LRRC8C: variants seen among roughly 807,000 people sequenced by gnomAD.
LRRC8C encodes volume-regulated anion channel subunit LRRC8C.
In LRRC8C, 20 loss-of-function variants were observed where a neutral mutation model predicts 55.3. The observed-to-expected ratio is 0.36, with a 90% CI of 0.25 to 0.53. The LOEUF is 0.53. LRRC8C is among the 20% of genes least tolerant of loss of function. The pLI is 0.92. For missense variants in LRRC8C, 659 were observed against 951.4 expected, an observed-to-expected ratio of 0.69 and a Z score of 4.04; for synonymous variants, 376 against 360.7, an observed-to-expected ratio of 1.04 and a Z score of -0.48.
intron 1 of LRRC8C, among the ~76,000 whole-genome samples, chr1:89,659,941 T>G (rs1657067054): frequency 6.6e-6 from 1 of 151,812 alleles, no homozygotes; most frequent in Admixed American, 6.6e-5. Context: ...CCCAGGGGAG[T>G]GAAGAGGTGA....
At chr1:89,679,692 C>T (rs1657644793) in intron 1 of LRRC8C, among the ~76,000 whole-genome samples, 1 of 152,194 alleles carries the variant, frequency 6.6e-6, no homozygotes, top group Non-Finnish European at 1.5e-5. Flanking sequence ...GTTTTGTATT[C>T]GTTTTGATCA....
At chr1:89,625,410 G>A in the LRRC8C span, among the ~76,000 whole-genome samples, 7 of 152,126 alleles carry the variant, frequency 4.6e-5, no homozygotes, top group Non-Finnish European at 7.4e-5. Context: ...TCCAGCTTAT[G>A]TTCTTTTCAC....
At chr1:89,710,116 A>G (rs1045943014) in intron 2 of LRRC8C, among the ~76,000 whole-genome samples, 1 of 152,236 alleles carries the variant, frequency 6.6e-6, no homozygotes, top group African/African-American at 2.4e-5. Context: ...GTCTTGAAGA[A>G]TGTGCTCAAG....
intron 1 of LRRC8C, among the ~76,000 whole-genome samples, chr1:89,651,567 C>CA (rs1179039674): frequency 0.046 from 1,803 of 39,244 alleles, 68 homozygotes; most frequent in African/African-American, 0.092. Flanking sequence ...GACTCTGTCT[C>CA]AAAAAAAAAA....
intron 1 of LRRC8C, among the ~76,000 whole-genome samples, chr1:89,675,621 A>G (rs899093133): frequency 4.6e-5 from 7 of 152,208 alleles, no homozygotes; most frequent in Admixed American, 4.6e-4. Context: ...TCCCCAGTTG[A>G]ATTTGACTTA....
chr1:89,672,677 T>A (rs947439495), intron 1 of LRRC8C, among the ~76,000 whole-genome samples: 2 of 152,174 alleles, frequency 1.3e-5, no homozygotes, highest in African/African-American at 4.8e-5. Flanking sequence ...ACATCCCATG[T>A]CTTTCTCACG....
rs146393936 is a variant in LRRC8C, at chr1:89,677,606, T to A, written c.-4-8864T>A. On this transcript the variant is annotated intron_variant, in intron 1 of 2. Transcript: ENST00000370454. ...AAAAAGATTTGGTTAAAAGTTATAGTTCACCATTAGCTGTGTTCCTTGGGC... is the reference window on the plus strand; with the variant it reads ...AAAAAGATTTGGTTAAAAGTTATAGATCACCATTAGCTGTGTTCCTTGGGC... Among the ~76,000 whole-genome samples, 77 of 152,318 alleles carry A rather than the reference T, an allele frequency of 5.1e-4. 1 individual carries two copies. Among genetic ancestry groups the A allele is most frequent in the African/African-American group, 1.5e-3 (61 of 41,556 alleles).
chr1:89,686,499 A>C lies in LRRC8C; in HGVS notation c.26A>C (p.Gln9Pro). The C allele has an allele frequency of 6.2e-7, 1 of 1,614,214 alleles. No individual in the cohort carries two copies. The highest frequency in any genetic ancestry group is 8.5e-7 in the Non-Finnish European group (1 of 1,180,030). ...ATGATTCCCGTGACAGAATTCCGGC[A>C]GTTCTCTGAGCAGCAGCCTGCCTTC... Reference protein sequence around the residue: MIPVTEFRQFSEQQPAFRV... With the variant: MIPVTEFRPFSEQQPAFRV... The change falls in exon 2 of 3, where the codon CAG becomes CCG. Residue 9 changes from glutamine to proline, a missense_variant. Physicochemically the swap from Gln to Pro is moderately conservative, Grantham distance 76. Transcript: ENST00000370454.
intron 2 of LRRC8C, among the ~76,000 whole-genome samples, chr1:89,696,587 G>A (rs143829817): frequency 6.6e-6 from 1 of 152,050 alleles, no homozygotes; most frequent in African/African-American, 2.4e-5. Context: ...GCCCTCCTAG[G>A]CTACCATCAA....
rs1658569510 is a variant in LRRC8C, at chr1:89,709,135, T to TA, written c.139-3573dup. Among the ~76,000 whole-genome samples the TA allele has an allele frequency of 2.6e-5, 4 of 152,256 alleles. No individual in the cohort carries two copies. The South Asian group carries it at 8.3e-4, about 32-fold the overall frequency. On this transcript the variant is annotated intron_variant, in intron 2 of 2. Transcript: ENST00000370454. The stretch of plus-strand genomic sequence containing the variant: ...GAGATTGCCTGTGGCATAAGCCTCC[T>TA]ACGCTGGGCTGTTCTCTACAAAGCC...
At chr1:89,646,690 T>C (rs1457622748) in intron 1 of LRRC8C, among the ~76,000 whole-genome samples, 1 of 152,128 alleles carries the variant, frequency 6.6e-6, no homozygotes, top group Non-Finnish European at 1.5e-5. Context: ...CCCCTTGAGA[T>C]CAGAACTAAG....
intron 1 of LRRC8C, among the ~76,000 whole-genome samples, chr1:89,633,744 C>T (rs951418868): frequency 1.3e-5 from 2 of 152,210 alleles, no homozygotes; most frequent in Non-Finnish European, 2.9e-5. Flanking sequence ...GTCTATCACC[C>T]CCCTGCCACC....
At chr1:89,662,588 T>C (rs1223623107) in intron 1 of LRRC8C, among the ~76,000 whole-genome samples, 2 of 152,146 alleles carry the variant, frequency 1.3e-5, no homozygotes, top group Non-Finnish European at 2.9e-5. Context: ...GGGTAGCAGC[T>C]AAGATGGGTC....
chr1:89,682,837 C>T lies in LRRC8C; in HGVS notation c.-4-3633C>T, dbSNP rs115107557. On this transcript the variant is annotated intron_variant, in intron 1 of 2. Coordinates refer to ENST00000370454, the MANE Select transcript of LRRC8C (RefSeq NM_032270.5). ...AGCACTTCTGCTGCATTCCAAAGTACAATGGTTGTCTGAAGAGAAAGCTCT... is the reference window on the plus strand; with the variant it reads ...AGCACTTCTGCTGCATTCCAAAGTATAATGGTTGTCTGAAGAGAAAGCTCT... Among the ~76,000 whole-genome samples, 1,187 of 152,290 alleles carry T rather than the reference C, an allele frequency of 7.8e-3. 15 individuals are homozygous for T. The highest frequency in any genetic ancestry group is 0.028 in the African/African-American group (1,145 of 41,556).
upstream of LRRC8C, among the ~76,000 whole-genome samples, chr1:89,630,009 T>A (rs1193140869): frequency 1.3e-5 from 2 of 151,672 alleles, no homozygotes; most frequent in Admixed American, 6.6e-5. Flanking sequence ...AAAAAATAAA[T>A]AAATACAAAA....
At chr1:89,644,431 G>T (rs1028803392) in intron 1 of LRRC8C, among the ~76,000 whole-genome samples, 1 of 152,146 alleles carries the variant, frequency 6.6e-6, no homozygotes, top group Non-Finnish European at 1.5e-5. Context: ...GATTACAGGC[G>T]TGAGCCACAG....
At chr1:89,701,430 C>T (rs1480529074) in intron 2 of LRRC8C, among the ~76,000 whole-genome samples, 2 of 150,562 alleles carry the variant, frequency 1.3e-5, no homozygotes, top group Admixed American at 6.6e-5. Flanking sequence ...GAGCCAAGAT[C>T]GCACCACTGC....
chr1:89,717,931 A>G lies in LRRC8C; in HGVS notation c.*2949A>G. On this transcript the variant is annotated 3_prime_UTR_variant, in exon 3 of 3. Coordinates refer to ENST00000370454, the MANE Select transcript of LRRC8C (RefSeq NM_032270.5). ...GTTCTTAACTCCTATGGCTGCTTGA[A>G]GCTCATGATGAAAAAGTCTTTTTGT... 6.6e-6 allele frequency: 1 copy of G among 152,208 alleles called. No homozygotes were observed. Among genetic ancestry groups the G allele is most frequent in the Non-Finnish European group, 1.5e-5 (1 of 68,032 alleles). 9.4% of individuals were successfully genotyped at this position (152,208 alleles called of 1,614,324 possible). A position where few individuals can be genotyped will look rare whatever the true frequency, so the allele number is the denominator to read the frequency against.
intron 1 of LRRC8C, among the ~76,000 whole-genome samples, chr1:89,646,271 A>G (rs1219922272): frequency 6.6e-6 from 1 of 152,154 alleles, no homozygotes; most frequent in East Asian, 1.9e-4. Flanking sequence ...GAAGAGGGGT[A>G]TCACTACAGA....
Sources: gnomAD v4.1 joint callset for allele counts (sites outside exome capture counted in the v4.1 genomes callset) on GRCh38, gnomAD v4.1.1 for gene constraint, MANE v1.5 for transcripts, NCBI Gene and HGNC (gene_info 2026-07-23, HGNC 2026-07-21) for gene names.